MTUS2: variants seen among roughly 807,000 people sequenced by gnomAD.
MTUS2 encodes the protein microtubule-associated tumor suppressor candidate 2.
MTUS2 carries 40 observed loss-of-function variants against 114.1 expected under a neutral mutation model. The observed-to-expected ratio is 0.35, with a 90% CI of 0.27 to 0.46. The LOEUF is 0.46. Ranked by LOEUF, MTUS2 falls within the 20% of genes least tolerant of loss-of-function variation. MTUS2 has a pLI of 1.00. For missense variants in MTUS2, 1,679 were observed against 1,705.4 expected, an observed-to-expected ratio of 0.98 and a Z score of 0.27; for synonymous variants, 688 against 672.0, an observed-to-expected ratio of 1.02 and a Z score of -0.37.
At chr13:29,348,579 G>T (rs1248039818) in intron 7 of MTUS2, among the ~76,000 whole-genome samples, 3 of 152,222 alleles carry the variant, frequency 2.0e-5, no homozygotes, top group East Asian at 1.9e-4. Context: ...GGTCAAGTTG[G>T]TTGAAGCATT....
intron 2 of MTUS2, among the ~76,000 whole-genome samples, chr13:28,925,211 A>G (rs1881261140): frequency 6.6e-6 from 1 of 152,102 alleles, no homozygotes; most frequent in Non-Finnish European, 1.5e-5. Flanking sequence ...GCTGTTGATC[A>G]TTTCTATCTT....
intron 6 of MTUS2, among the ~76,000 whole-genome samples, chr13:29,318,391 C>CTTTTTTTTTTTTTTTTTTTTTTTTTTTT: frequency 7.4e-6 from 1 of 135,080 alleles, no homozygotes; most frequent in Non-Finnish European, 1.5e-5. Flanking sequence ...ATTTCTTTTT[C>CTTTTTTTTTTTTTTTTTTTTTTTTTTTT]TTTTTTTTTT....
chr13:29,498,392 C>G lies in MTUS2; in HGVS notation c.3679-26C>G. ...GGGTTTTGCCGGGAATCCTGGTCAA[C>G]AGCTCATGGCTCTCTGCCTCTGTAG... On this transcript the variant is annotated intron_variant, in intron 13 of 15. Coordinates refer to ENST00000612955, the MANE Select transcript of MTUS2 (RefSeq NM_001033602.4). 3 of 1,612,656 alleles carry G rather than the reference C, an allele frequency of 1.9e-6. No homozygotes were observed. The South Asian group carries it at 3.3e-5, about 18-fold the overall frequency.
Position 29,444,050 on chromosome 13 carries a change from T to G in MTUS2, c.3184+4001T>G, listed in dbSNP as rs963500804. Among the ~76,000 whole-genome samples, 4 of 152,352 alleles carry G rather than the reference T, an allele frequency of 2.6e-5. No homozygotes were observed. In the East Asian group the frequency reaches 7.7e-4, roughly 29 times the overall value. ...AACTGTTTCATATCCATTAAACTGC[T>G]GCCCTAAATTCCACCAATATCTGTT... On this transcript the variant is annotated intron_variant, in intron 9 of 15. Transcript: ENST00000612955.
chr13:29,136,114 T>G (rs774809585), intron 5 of MTUS2, among the ~76,000 whole-genome samples: 100 of 152,348 alleles, frequency 6.6e-4, no homozygotes, highest in Non-Finnish European at 1.2e-3. Context: ...GATCTTTATT[T>G]CTTCATATGG....
intron 8 of MTUS2, among the ~76,000 whole-genome samples, chr13:29,374,692 GT>G (rs1433997208): frequency 3.3e-5 from 5 of 152,194 alleles, no homozygotes; most frequent in Non-Finnish European, 7.3e-5. Context: ...GAGGTCAGGA[GT>G]TCGAGACCAG....
intron 4 of MTUS2, among the ~76,000 whole-genome samples, chr13:29,098,902 TTAAC>T (rs1232206178): frequency 2.6e-5 from 4 of 152,212 alleles, no homozygotes; most frequent in African/African-American, 4.8e-5. Flanking sequence ...TAATTATTGA[TTAAC>T]TAGGTTAGAA....
chr13:29,055,004 G>A (rs1888067006), intron 4 of MTUS2, among the ~76,000 whole-genome samples: 2 of 152,026 alleles, frequency 1.3e-5, no homozygotes, highest in South Asian at 2.1e-4. Context: ...AGTATGGTCT[G>A]TGCTTATGTT....
chr13:29,030,658 G>A lies in MTUS2; in HGVS notation c.2206-3227G>A, dbSNP rs371897870. ...GCTCATCATGGGGTGGCTGCAGTCTGGTCTCTAGGAAAAGAACACATTTTT... is the reference window on the plus strand; with the variant it reads ...GCTCATCATGGGGTGGCTGCAGTCTAGTCTCTAGGAAAAGAACACATTTTT... On this transcript the variant is annotated intron_variant, in intron 3 of 15. Coordinates refer to ENST00000612955, the MANE Select transcript of MTUS2 (RefSeq NM_001033602.4). Among the ~76,000 whole-genome samples the A allele has an allele frequency of 2.7e-4, 41 of 152,214 alleles. No homozygotes were observed. In the East Asian group the frequency reaches 6.0e-3, roughly 22 times the overall value.
chr13:29,471,980 A>G (rs1006772954), intron 9 of MTUS2, among the ~76,000 whole-genome samples: 2 of 152,060 alleles, frequency 1.3e-5, no homozygotes, highest in Non-Finnish European at 2.9e-5. Context: ...AGAGATGACA[A>G]GAGTCCCAGT....
At chr13:29,404,771 A>G (rs1259071050) in intron 8 of MTUS2, among the ~76,000 whole-genome samples, 1 of 152,242 alleles carries the variant, frequency 6.6e-6, no homozygotes, top group South Asian at 2.1e-4. Flanking sequence ...GCTTGGCCTC[A>G]TGATAAAATA....
intron 5 of MTUS2, among the ~76,000 whole-genome samples, chr13:29,237,547 C>T (rs1337667730): frequency 6.6e-6 from 1 of 152,136 alleles, no homozygotes; most frequent in Non-Finnish European, 1.5e-5. Flanking sequence ...TCCCTGTGAT[C>T]TGTTATCTGG....
intron 2 of MTUS2, among the ~76,000 whole-genome samples, chr13:28,860,582 A>G (rs1190955777): frequency 6.6e-6 from 1 of 152,198 alleles, no homozygotes; most frequent in African/African-American, 2.4e-5. Context: ...ACATCGCCAC[A>G]TGCTGCATGT....
chr13:28,827,446 T>A (rs1331948696), intron 1 of MTUS2, among the ~76,000 whole-genome samples: 1 of 152,208 alleles, frequency 6.6e-6, no homozygotes, highest in African/African-American at 2.4e-5. Context: ...TATACTGAAA[T>A]TTTTCTGCTA....
chr13:29,351,302 T>G (rs2138183355), intron 7 of MTUS2, among the ~76,000 whole-genome samples: 2 of 152,216 alleles, frequency 1.3e-5, no homozygotes, highest in Middle Eastern at 6.8e-3. Flanking sequence ...AGGAGAAGCT[T>G]TCTGGGTGGC....
At chr13:29,263,627 A>G (rs550645325) in intron 5 of MTUS2, among the ~76,000 whole-genome samples, 1 of 152,256 alleles carries the variant, frequency 6.6e-6, no homozygotes, top group Admixed American at 6.5e-5. Flanking sequence ...GCAGAAGACA[A>G]AGTAGGAGCA....
chr13:29,040,522 T>C (rs190428758), intron 4 of MTUS2, among the ~76,000 whole-genome samples: 32 of 152,318 alleles, frequency 2.1e-4, no homozygotes, highest in Non-Finnish European at 4.4e-4. Flanking sequence ...TTTTAGTTCT[T>C]TAAGGAGTCT....
At chr13:28,873,918 T>C (rs982802341) in intron 2 of MTUS2, among the ~76,000 whole-genome samples, 1 of 152,246 alleles carries the variant, frequency 6.6e-6, no homozygotes, top group Non-Finnish European at 1.5e-5. Flanking sequence ...TGTTATACTA[T>C]CATTTGGTAA....
At chr13:29,296,529 T>C (rs1402371831) in intron 6 of MTUS2, among the ~76,000 whole-genome samples, 1 of 152,152 alleles carries the variant, frequency 6.6e-6, no homozygotes, top group African/African-American at 2.4e-5. Flanking sequence ...CCTTCCATAC[T>C]GTTTTCCATA....
Sources: gnomAD v4.1 joint callset for allele counts (sites outside exome capture counted in the v4.1 genomes callset) on GRCh38, gnomAD v4.1.1 for gene constraint, MANE v1.5 for transcripts, NCBI Gene and HGNC (gene_info 2026-07-23, HGNC 2026-07-21) for gene names.